Variants in EPB41L4A observed in about 807,000 individuals in gnomAD.
EPB41L4A encodes the protein erythrocyte membrane protein band 4.1 like 4A, also known as band 4.1-like protein 4A.
Under a neutral mutation model 108.6 loss-of-function variants are expected in EPB41L4A, and 100 were observed. That is an observed-to-expected ratio of 0.92 (90% CI 0.78 to 1.09). The LOEUF is 1.09. EPB41L4A is among the 50% of genes least tolerant of loss of function. The pLI is 0.00. For synonymous variants in EPB41L4A, 319 were observed against 289.0 expected (o/e 1.10, Z -1.05); for missense variants, 1,030 against 842.7 (o/e 1.22, Z -2.75).
chr5:112,304,643 T>G (rs549046912), intron 2 of EPB41L4A, among the ~76,000 whole-genome samples: 9 of 152,202 alleles, frequency 5.9e-5, no homozygotes, highest in Non-Finnish European at 8.8e-5. Flanking sequence ...TTTCTTTTCT[T>G]TCTTCCAGAC....
chr5:112,418,903 G>A (rs1462774442), intron 1 of EPB41L4A, 38 bp downstream of exon 1: 2 of 1,552,482 alleles, frequency 1.3e-6, no homozygotes, highest in South Asian at 1.1e-5. Context: ...CACCCGCCCT[G>A]CCGCCAACCC....
intron 2 of EPB41L4A, among the ~76,000 whole-genome samples, chr5:112,286,703 A>G (rs1753306946): frequency 6.6e-6 from 1 of 151,700 alleles, no homozygotes; most frequent in African/African-American, 2.4e-5. Flanking sequence ...GGTTCCAGCA[A>G]CCTTCTGTTC....
At chr5:112,335,882 ACT>A (rs1313753568) in intron 1 of EPB41L4A, among the ~76,000 whole-genome samples, 3 of 151,686 alleles carry the variant, frequency 2.0e-5, no homozygotes, top group African/African-American at 7.3e-5. Context: ...CTCTCCCCTC[ACT>A]CTGAGGGTCC....
chr5:112,214,242 A>G (rs555619302), intron 12 of EPB41L4A, among the ~76,000 whole-genome samples: 49 of 152,334 alleles, frequency 3.2e-4, no homozygotes, highest in Admixed American at 1.4e-3. Context: ...GAACAGTTCC[A>G]TTTTGAAGAT....
intron 1 of EPB41L4A, among the ~76,000 whole-genome samples, chr5:112,310,211 C>T (rs139915068): frequency 6.6e-5 from 10 of 152,294 alleles, no homozygotes; most frequent in Admixed American, 6.5e-4. Flanking sequence ...AGTTTTATTG[C>T]TGTTATACTT....
chr5:112,189,172 AT>A (rs1389660830), intron 17 of EPB41L4A, among the ~76,000 whole-genome samples: 1 of 152,220 alleles, frequency 6.6e-6, no homozygotes, highest in Non-Finnish European at 1.5e-5. Context: ...ACACTGACTT[AT>A]TTCTTGTTCA....
chr5:112,216,609 TA>T (rs199551866), intron 12 of EPB41L4A, among the ~76,000 whole-genome samples: 26 of 151,242 alleles, frequency 1.7e-4, no homozygotes, highest in East Asian at 7.7e-4. Flanking sequence ...TCCCTTAACA[TA>T]AAAAAAAACT....
chr5:112,307,166 G>A (rs780261284), intron 2 of EPB41L4A, among the ~76,000 whole-genome samples: 1 of 152,194 alleles, frequency 6.6e-6, no homozygotes, highest in Non-Finnish European at 1.5e-5. Context: ...CATCTGCAAA[G>A]ACGACTACAC....
chr5:112,294,201 C>CT (rs953708658), intron 2 of EPB41L4A, among the ~76,000 whole-genome samples: 8 of 151,340 alleles, frequency 5.3e-5, no homozygotes, highest in Non-Finnish European at 7.4e-5. Context: ...AAAGCTTTTT[C>CT]TTTTTTTTTA....
rs1753975237 is a variant in EPB41L4A, at chr5:112,296,204, C to T, written c.204+11182G>A. The stretch of plus-strand genomic sequence containing the variant: ...CACTTTATTAAAAATCTTACATTGG[C>T]AAACTTATGTTAAAATTAATGATTT... On this transcript the variant is annotated intron_variant, in intron 2 of 22. Coordinates refer to ENST00000261486, the MANE Select transcript of EPB41L4A (RefSeq NM_022140.5). Among the ~76,000 whole-genome samples, 3 of 151,978 alleles carry T rather than the reference C, an allele frequency of 2.0e-5. No homozygotes were observed. In the South Asian group the frequency reaches 6.2e-4, roughly 31 times the overall value.
intron 12 of EPB41L4A, among the ~76,000 whole-genome samples, chr5:112,147,985 G>C (rs761048027): frequency 5.9e-5 from 9 of 151,826 alleles, no homozygotes; most frequent in Non-Finnish European, 1.0e-4. Context: ...GCTGCAGTGA[G>C]CTGAGATGGT....
intron 20 of EPB41L4A, 175 bp downstream of exon 20, chr5:112,170,126 T>C: frequency 3.2e-6 from 2 of 629,744 alleles, no homozygotes; most frequent in South Asian, 4.0e-5. Flanking sequence ...GTGATTATAG[T>C]GTAGAATAAG....
chr5:112,367,595 G>A lies in EPB41L4A; in HGVS notation c.99+51346C>T, dbSNP rs566008968. On this transcript the variant is annotated intron_variant, in intron 1 of 22. Transcript: ENST00000261486. Reference sequence around the variant, plus strand: ...CATGACCAGCTCCTTCCAGGACAGGGAGGTGCCTTCCTTGATTTCCTCCCA... The same window carrying A: ...CATGACCAGCTCCTTCCAGGACAGGAAGGTGCCTTCCTTGATTTCCTCCCA... Among the ~76,000 whole-genome samples, 15 of 152,234 alleles carry A rather than the reference G, an allele frequency of 9.9e-5. No individual in the cohort carries two copies. In the South Asian group the frequency reaches 1.7e-3, roughly 17 times the overall value.
In EPB41L4A at chr5:112,164,888, C is replaced by A; in HGVS notation, c.*102G>T. 21 of 999,732 alleles carry A rather than the reference C, an allele frequency of 2.1e-5. No homozygotes were observed. Among genetic ancestry groups the A allele is most frequent in the Non-Finnish European group, 2.6e-5 (19 of 718,990 alleles). 61.9% of individuals were successfully genotyped at this position (999,732 alleles called of 1,614,324 possible). A position where few individuals can be genotyped will look rare whatever the true frequency, so the allele number is the denominator to read the frequency against. On this transcript the variant is annotated 3_prime_UTR_variant, in exon 23 of 23. Transcript: ENST00000261486. ...TGTATTTTCTCATGCTGAAGAAATA[C>A]TTGCAGGTCTGAGATTTGAATTAAG...
At chr5:112,150,983 G>C (rs1232236864) in intron 12 of EPB41L4A, among the ~76,000 whole-genome samples, 2 of 152,148 alleles carry the variant, frequency 1.3e-5, no homozygotes, top group South Asian at 2.1e-4. Flanking sequence ...TGAATCACCT[G>C]GGGGGTTTGT....
At chr5:112,409,670 C>A (rs1762300811) in intron 1 of EPB41L4A, among the ~76,000 whole-genome samples, 1 of 152,142 alleles carries the variant, frequency 6.6e-6, no homozygotes, top group Non-Finnish European at 1.5e-5. Context: ...ATGCCTACTA[C>A]TCTTTAGGAA....
chr5:112,142,612 T>G lies in EPB41L4A; in HGVS notation n.2381A>C, dbSNP rs145896929. The stretch of plus-strand genomic sequence containing the variant: ...CTAAGAACAGATTTATTTTAGAAAC[T>G]AATTACACTGTGACATCTGGACTGC... On this transcript the variant is annotated non_coding_transcript_exon_variant, in exon 14 of 14. Coordinates refer to the EPB41L4A transcript ENST00000507810. The G allele has an allele frequency of 1.3e-3, 192 of 152,324 alleles. 1 individual carries two copies. Among genetic ancestry groups the G allele is most frequent in the African/African-American group, 4.5e-3 (187 of 41,580 alleles). 9.4% of individuals were successfully genotyped at this position (152,324 alleles called of 1,614,324 possible). A position where few individuals can be genotyped will look rare whatever the true frequency, so the allele number is the denominator to read the frequency against.
At chr5:112,208,820 C>CTTA (rs1561476811) in intron 13 of EPB41L4A, among the ~76,000 whole-genome samples, 1 of 152,190 alleles carries the variant, frequency 6.6e-6, no homozygotes, top group Non-Finnish European at 1.5e-5. Flanking sequence ...GATTCCTGTT[C>CTTA]TTATGCTGAA....
At chr5:112,399,404 A>G (rs1460438923) in intron 1 of EPB41L4A, among the ~76,000 whole-genome samples, 3 of 152,086 alleles carry the variant, frequency 2.0e-5, no homozygotes, top group Non-Finnish European at 4.4e-5. Flanking sequence ...TTCCCCACTA[A>G]GTTGTAAGCT....
Sources: gnomAD v4.1 joint callset for allele counts (sites outside exome capture counted in the v4.1 genomes callset) on GRCh38, gnomAD v4.1.1 for gene constraint, MANE v1.5 for transcripts, NCBI Gene and HGNC (gene_info 2026-07-23, HGNC 2026-07-21) for gene names.